The following FHIT variants were observed in gnomAD, a reference collection of about 807,000 sequenced individuals.
FHIT encodes fragile histidine triad diadenosine triphosphatase.
Under a neutral mutation model 17.9 loss-of-function variants are expected in FHIT, and 19 were observed. That is an observed-to-expected ratio of 1.06 (90% CI 0.74 to 1.56). The LOEUF (loss-of-function observed/expected upper bound fraction) is 1.56. FHIT is among the 40% of genes most tolerant of loss of function. The probability of loss-of-function intolerance (pLI) is 0.00; values close to 1 mark genes in which losing one functional copy is unlikely to be tolerated. For synonymous variants in FHIT, 81 were observed against 69.7 expected, an observed-to-expected ratio of 1.16 and a Z score of -0.81; for missense variants, 248 against 189.2, an observed-to-expected ratio of 1.31 and a Z score of -1.82.
At chr3:60,065,932 G>A (rs1363595595) in intron 5 of FHIT, among the ~76,000 whole-genome samples, 1 of 152,178 alleles carries the variant, frequency 6.6e-6, no homozygotes, top group African/African-American at 2.4e-5. Context: ...CCAGGAAATA[G>A]GGTGGCCATC....
chr3:60,279,363 C>G (rs576375062), intron 5 of FHIT, among the ~76,000 whole-genome samples: 14 of 152,130 alleles, frequency 9.2e-5, no homozygotes, highest in African/African-American at 3.4e-4. Context: ...CTGAATAGGT[C>G]TATTCAGGTT....
At chr3:60,084,621 T>C (rs748061311) in intron 5 of FHIT, among the ~76,000 whole-genome samples, 2 of 152,166 alleles carry the variant, frequency 1.3e-5, no homozygotes, top group African/African-American at 4.8e-5. Context: ...ATAAAATCTA[T>C]GCCAGGGAAT....
chr3:60,800,915 TC>T (rs1313409837), intron 4 of FHIT, among the ~76,000 whole-genome samples: 1 of 152,132 alleles, frequency 6.6e-6, no homozygotes, highest in Non-Finnish European at 1.5e-5. Context: ...GGGTTAATTC[TC>T]CTGAGATGAG....
intron 4 of FHIT, among the ~76,000 whole-genome samples, chr3:60,578,610 G>C (rs1172278359): frequency 6.6e-6 from 1 of 151,974 alleles, no homozygotes; most frequent in Admixed American, 6.6e-5. Flanking sequence ...ATCATATGTG[G>C]CACAAGGTTT....
At chr3:60,792,937 A>G (rs1478970281) in intron 4 of FHIT, among the ~76,000 whole-genome samples, 1 of 152,002 alleles carries the variant, frequency 6.6e-6, no homozygotes, top group Non-Finnish European at 1.5e-5. Flanking sequence ...GTAGCCGAAT[A>G]ATGGTCTTCA....
At chr3:59,770,055 T>C (rs925478353) in intron 8 of FHIT, among the ~76,000 whole-genome samples, 2 of 152,034 alleles carry the variant, frequency 1.3e-5, no homozygotes, top group Non-Finnish European at 2.9e-5. Context: ...AAAACAAAAC[T>C]AAACAAAACA....
At chr3:60,572,514 G>C (rs2037419396) in intron 4 of FHIT, among the ~76,000 whole-genome samples, 1 of 150,482 alleles carries the variant, frequency 6.6e-6, no homozygotes, top group African/African-American at 2.4e-5. Flanking sequence ...TTTTCAGAAA[G>C]ATCACACAAA....
intron 3 of FHIT, among the ~76,000 whole-genome samples, chr3:60,876,399 T>C (rs1553756550): frequency 1.3e-5 from 2 of 152,212 alleles, no homozygotes; most frequent in Non-Finnish European, 2.9e-5. Context: ...TTGATGTTTT[T>C]AAGTAGTACT....
In FHIT at chr3:60,235,233, TG is replaced by T. The variant is rs1268796166; in HGVS notation, c.104-221082del. The stretch of plus-strand genomic sequence containing the variant: ...TTTAAATATCTATGCTTTTGTTTGT[TG>T]TTTTTTTTTTTTTTGAGACAGAGTC... On this transcript the variant is annotated intron_variant, in intron 5 of 9. Coordinates refer to ENST00000492590, the MANE Select transcript of FHIT (RefSeq NM_002012.4). Among the ~76,000 whole-genome samples the T allele has an allele frequency of 3.7e-3, 189 of 51,438 alleles. 1 individual carries two copies. The highest frequency in any genetic ancestry group is 0.014 in the African/African-American group (175 of 12,716). 33.7% of individuals were successfully genotyped at this position (51,438 alleles called of 152,430 possible).
intron 5 of FHIT, among the ~76,000 whole-genome samples, chr3:60,071,960 T>C (rs1177000719): frequency 1.3e-5 from 2 of 152,202 alleles, no homozygotes; most frequent in Non-Finnish European, 2.9e-5. Flanking sequence ...CCTTCCACCA[T>C]GATTATGAGG....
At position 60,556,562 on chromosome 3, in the gene FHIT, G is replaced by A. The variant is rs371282278; in HGVS notation, c.-17-19583C>T. Among the ~76,000 whole-genome samples the A allele has an allele frequency of 2.0e-5, 3 of 152,318 alleles. No individual in the cohort carries two copies. In the East Asian group the frequency reaches 5.8e-4, roughly 29 times the overall value. Reference sequence around the variant, plus strand: ...CCCCAATAGCCTGTACAGTAGACCTGGAGGAAAACAAAACCCACAGAAGTC... The same window carrying A: ...CCCCAATAGCCTGTACAGTAGACCTAGAGGAAAACAAAACCCACAGAAGTC... On this transcript the variant is annotated intron_variant, in intron 4 of 9. Coordinates refer to ENST00000492590, the MANE Select transcript of FHIT (RefSeq NM_002012.4).
intron 5 of FHIT, among the ~76,000 whole-genome samples, chr3:60,042,538 T>A (rs755336022): frequency 6.6e-6 from 1 of 152,150 alleles, no homozygotes; most frequent in Non-Finnish European, 1.5e-5. Flanking sequence ...GTCTTCTTGA[T>A]GGATTTCCTC....
chr3:60,247,581 A>T (rs1705467737), intron 5 of FHIT, among the ~76,000 whole-genome samples: 1 of 152,154 alleles, frequency 6.6e-6, no homozygotes, highest in African/African-American at 2.4e-5. Context: ...CAGTAATCTT[A>T]TCTTAAAGTT....
rs1016970538 is a variant in FHIT at position 59,922,362 on chromosome 3, T to C, written c.332A>G (p.Asp111Gly). 6 of 1,613,736 alleles carry C rather than the reference T, an allele frequency of 3.7e-6. No individual in the cohort carries two copies. Among genetic ancestry groups the C allele is most frequent in the Admixed American group, 1.7e-5 (1 of 59,982 alleles). ...PRKAGDFHRN[D>G]SIYEELQKHD... ...CAGACCCACCTCCTCATAGATGCTGTCATTCCTGTGAAAGTCTCCAGCCTT... is the reference window on the plus strand; with the variant it reads ...CAGACCCACCTCCTCATAGATGCTGCCATTCCTGTGAAAGTCTCCAGCCTT... Residue 111 changes from aspartate to glycine, a missense_variant, in exon 8 of 10, where the codon GAC (aspartate) becomes GGC (glycine). Physicochemically the swap from Asp to Gly is moderately conservative, Grantham distance 94. Coordinates refer to ENST00000492590, the MANE Select transcript of FHIT (RefSeq NM_002012.4).
chr3:60,052,273 A>G (rs1701911027), intron 5 of FHIT, among the ~76,000 whole-genome samples: 1 of 152,104 alleles, frequency 6.6e-6, no homozygotes, highest in African/African-American at 2.4e-5. Flanking sequence ...CAATAGAACG[A>G]GTGGCATCCT....
At chr3:59,870,593 CAG>C (rs1194427295) in intron 8 of FHIT, among the ~76,000 whole-genome samples, 1 of 152,178 alleles carries the variant, frequency 6.6e-6, no homozygotes, top group African/African-American at 2.4e-5. Flanking sequence ...TTTGTGAAAG[CAG>C]AGAGCCCCAT....
intron 8 of FHIT, among the ~76,000 whole-genome samples, chr3:59,776,910 G>A (rs1702347669): frequency 6.6e-6 from 1 of 152,144 alleles, no homozygotes; most frequent in Non-Finnish European, 1.5e-5. Flanking sequence ...CTTGACTTCA[G>A]AACTCCGATT....
At chr3:60,485,428 A>G (rs571848984) in intron 5 of FHIT, among the ~76,000 whole-genome samples, 1 of 152,236 alleles carries the variant, frequency 6.6e-6, no homozygotes, top group African/African-American at 2.4e-5. Context: ...GATAGACTGG[A>G]TAAAGAAAAC....
intron 2 of FHIT, among the ~76,000 whole-genome samples, chr3:61,122,831 A>G (rs1020019339): frequency 6.6e-6 from 1 of 152,240 alleles, no homozygotes. Context: ...TAGAATGGCT[A>G]TCATTAAAAA....
Sources: allele counts gnomAD v4.1 joint callset (sites outside exome capture counted in the v4.1 genomes callset), GRCh38; gene constraint gnomAD v4.1.1; transcripts MANE v1.5; gene names NCBI Gene and HGNC (gene_info 2026-07-23, HGNC 2026-07-21).